MACROD2: variants seen among roughly 807,000 people sequenced by gnomAD.
MACROD2 encodes ADP-ribose glycohydrolase MACROD2.
A neutral mutation model predicts 70.4 loss-of-function variants in MACROD2; 36 were observed. The observed-to-expected ratio is 0.51, with a 90% confidence interval of 0.39 to 0.68. The LOEUF is 0.68. Ranked by LOEUF, MACROD2 falls within the 30% of genes least tolerant of loss-of-function variation. The pLI, the probability that MACROD2 is intolerant of heterozygous loss-of-function variation, is 0.00. For missense variants in MACROD2, 496 were observed against 538.4 expected (o/e 0.92, Z 0.78); for synonymous variants, 172 against 178.8 (o/e 0.96, Z 0.30).
chr20:14,272,644 A>G (rs1193378122), intron 3 of MACROD2, among the ~76,000 whole-genome samples: 2 of 151,514 alleles, frequency 1.3e-5, no homozygotes, highest in African/African-American at 4.8e-5. Flanking sequence ...ACACATAACA[A>G]TATTAACTTT....
chr20:14,382,906 C>T (rs1204288374), intron 3 of MACROD2, among the ~76,000 whole-genome samples: 2 of 151,756 alleles, frequency 1.3e-5, no homozygotes, highest in South Asian at 2.1e-4. Flanking sequence ...ATTTAACTGT[C>T]GTAAAAGAAA....
intron 2 of MACROD2, among the ~76,000 whole-genome samples, chr20:14,053,944 G>T (rs974441378): frequency 2.6e-5 from 4 of 151,936 alleles, no homozygotes; most frequent in Non-Finnish European, 5.9e-5. Context: ...CTTGGTGTTG[G>T]TATAAACCCT....
At chr20:15,255,319 T>A (rs2077190335) in intron 6 of MACROD2, among the ~76,000 whole-genome samples, 1 of 152,070 alleles carries the variant, frequency 6.6e-6, no homozygotes, top group South Asian at 2.1e-4. Flanking sequence ...ATTTGTAAAG[T>A]TTAGGTGCTT....
chr20:14,716,820 T>C (rs2071401912), intron 5 of MACROD2, among the ~76,000 whole-genome samples: 1 of 151,898 alleles, frequency 6.6e-6, no homozygotes, highest in Non-Finnish European at 1.5e-5. Context: ...CGAGACTAGC[T>C]TCCTAGTTCT....
chr20:15,948,085 A>T (rs2065850312), intron 12 of MACROD2, among the ~76,000 whole-genome samples: 1 of 152,140 alleles, frequency 6.6e-6, no homozygotes, highest in Admixed American at 6.6e-5. Flanking sequence ...ACTGAGAGAC[A>T]GGACTAGCTG....
chr20:14,248,515 G>A (rs1251642094), intron 3 of MACROD2, among the ~76,000 whole-genome samples: 1 of 152,082 alleles, frequency 6.6e-6, no homozygotes, highest in Admixed American at 6.5e-5. Context: ...CCCGGCAGGC[G>A]GAGGTTGCAG....
chr20:14,452,626 C>T (rs894059667), intron 3 of MACROD2, among the ~76,000 whole-genome samples: 6 of 152,022 alleles, frequency 3.9e-5, no homozygotes, highest in Non-Finnish European at 5.9e-5. Flanking sequence ...GCATTATTTC[C>T]GGATTTGTTT....
At chr20:14,823,823 A>C (rs1337035157) in intron 5 of MACROD2, among the ~76,000 whole-genome samples, 2 of 152,020 alleles carry the variant, frequency 1.3e-5, no homozygotes, top group African/African-American at 4.8e-5. Flanking sequence ...TAAGAAGAGG[A>C]AATAGACTTT....
At chr20:14,409,190 C>A (rs1247094370) in intron 3 of MACROD2, among the ~76,000 whole-genome samples, 3 of 143,134 alleles carry the variant, frequency 2.1e-5, no homozygotes, top group African/African-American at 2.6e-5. Context: ...TAGTGCCATG[C>A]CAGGTAAGTG....
chr20:15,896,767 G>C (rs2064979768), intron 10 of MACROD2, among the ~76,000 whole-genome samples: 1 of 152,046 alleles, frequency 6.6e-6, no homozygotes, highest in African/African-American at 2.4e-5. Context: ...TTTGAATATA[G>C]TGATTTTATT....
At chr20:15,111,934 A>C (rs2075958651) in intron 5 of MACROD2, among the ~76,000 whole-genome samples, 1 of 152,188 alleles carries the variant, frequency 6.6e-6, no homozygotes, top group African/African-American at 2.4e-5. Flanking sequence ...GAAAACTCAG[A>C]GATAGCTTCC....
intron 5 of MACROD2, among the ~76,000 whole-genome samples, chr20:14,927,649 CTT>C (rs371600760): frequency 3.1e-3 from 474 of 152,204 alleles, no homozygotes; most frequent in Admixed American, 5.5e-3. Context: ...GTAGTTTTAG[CTT>C]TTTGTCTTCT....
intron 8 of MACROD2, among the ~76,000 whole-genome samples, chr20:15,532,819 G>A (rs2047823102): frequency 1.3e-5 from 2 of 151,950 alleles, no homozygotes; most frequent in South Asian, 4.1e-4. Flanking sequence ...TCTCTGGCAT[G>A]AGCAAGTATC....
At chr20:14,182,064 C>G (rs951209753) in intron 3 of MACROD2, among the ~76,000 whole-genome samples, 4 of 152,172 alleles carry the variant, frequency 2.6e-5, no homozygotes, top group Admixed American at 2.0e-4. Flanking sequence ...AACTACCAAA[C>G]TTTTTCCCAC....
chr20:14,808,188 G>A (rs2072663434), intron 5 of MACROD2, among the ~76,000 whole-genome samples: 1 of 152,096 alleles, frequency 6.6e-6, no homozygotes, highest in Admixed American at 6.6e-5. Context: ...CAGAGAGAAA[G>A]GTCGGGTTAC....
chr20:14,686,063 T>C (rs918246624), intron 5 of MACROD2, among the ~76,000 whole-genome samples: 1 of 152,128 alleles, frequency 6.6e-6, no homozygotes, highest in Non-Finnish European at 1.5e-5. Context: ...TATTGCATCC[T>C]ATATTGTTCA....
At chr20:14,064,543 C>T (rs1023947760) in intron 2 of MACROD2, among the ~76,000 whole-genome samples, 16 of 152,158 alleles carry the variant, frequency 1.1e-4, no homozygotes, top group Admixed American at 6.6e-5. Flanking sequence ...AATTTCTTGT[C>T]CTCCCTCTTC....
intron 4 of MACROD2, among the ~76,000 whole-genome samples, chr20:14,536,465 C>A (rs1195674333): frequency 1.3e-5 from 2 of 152,004 alleles, no homozygotes; most frequent in Non-Finnish European, 2.9e-5. Flanking sequence ...AAATAGTTGG[C>A]AATTATTTAT....
intron 3 of MACROD2, among the ~76,000 whole-genome samples, chr20:14,223,673 A>G (rs972331129): frequency 6.6e-6 from 1 of 151,746 alleles, no homozygotes; most frequent in South Asian, 2.1e-4. Flanking sequence ...ATGCCCAGCC[A>G]ATTTTTGTAT....
Sources: gnomAD v4.1 joint callset for allele counts (sites outside exome capture counted in the v4.1 genomes callset) on GRCh38, gnomAD v4.1.1 for gene constraint, MANE v1.5 for transcripts, NCBI Gene and HGNC (gene_info 2026-07-23, HGNC 2026-07-21) for gene names.